The following TYW1B variants were observed in gnomAD, a reference collection of about 807,000 sequenced individuals.
TYW1B encodes S-adenosyl-L-methionine-dependent tRNA 4-demethylwyosine synthase TYW1B.
In TYW1B, 73 loss-of-function variants were observed where a neutral mutation model predicts 86.9. That is an observed-to-expected ratio of 0.84 (90% CI 0.70 to 1.02). TYW1B has a LOEUF of 1.02. Among genes scored for constraint, TYW1B ranks in the 50% least tolerant of loss-of-function variants. The pLI is 0.00. For synonymous variants in TYW1B, 248 were observed against 292.8 expected, an observed-to-expected ratio of 0.85 and a Z score of 1.56; for missense variants, 637 against 827.4, an observed-to-expected ratio of 0.77 and a Z score of 2.82.
intron 10 of TYW1B, among the ~76,000 whole-genome samples, chr7:72,698,807 A>T (rs1183135572): frequency 3.9e-5 from 6 of 152,226 alleles, no homozygotes; most frequent in Non-Finnish European, 7.3e-5. Flanking sequence ...CATGTAACAA[A>T]CAGTATTCCA....
chr7:72,660,530 C>G (rs1453190073), intron 11 of TYW1B, among the ~76,000 whole-genome samples: 1 of 152,220 alleles, frequency 6.6e-6, no homozygotes, highest in African/African-American at 2.4e-5. Flanking sequence ...TGAGAAAGAA[C>G]TACTTTCAGA....
chr7:72,660,222 A>T (rs1384427461), intron 11 of TYW1B, among the ~76,000 whole-genome samples: 1 of 152,126 alleles, frequency 6.6e-6, no homozygotes, highest in Non-Finnish European at 1.5e-5. Context: ...TAAATTTTAA[A>T]AATTAGCCAG....
intron 11 of TYW1B, among the ~76,000 whole-genome samples, chr7:72,663,090 A>T (rs1585885381): frequency 6.6e-6 from 1 of 150,872 alleles, no homozygotes; most frequent in South Asian, 2.1e-4. Flanking sequence ...AAGTGGTGAG[A>T]TGAATGGCCG....
At chr7:72,760,320 G>A (rs1455831671) in intron 7 of TYW1B, among the ~76,000 whole-genome samples, 6 of 152,202 alleles carry the variant, frequency 3.9e-5, no homozygotes, top group Admixed American at 3.9e-4. Context: ...GAAAACTGCT[G>A]TACCCAAAAT....
chr7:72,635,009 C>T (rs1430341748), intron 11 of TYW1B, among the ~76,000 whole-genome samples: 1 of 152,014 alleles, frequency 6.6e-6, no homozygotes, highest in African/African-American at 2.4e-5. Context: ...TCCTTATTAG[C>T]GTTTCTTTCA....
chr7:72,659,353 T>C (rs1585882634), intron 11 of TYW1B, among the ~76,000 whole-genome samples: 1 of 151,886 alleles, frequency 6.6e-6, no homozygotes, highest in Non-Finnish European at 1.5e-5. Flanking sequence ...CCCAGGCAGG[T>C]GGATCACCAG....
chr7:72,707,551 A>G (rs1355340482), intron 10 of TYW1B, among the ~76,000 whole-genome samples: 2 of 152,268 alleles, frequency 1.3e-5, no homozygotes, highest in African/African-American at 4.8e-5. Context: ...GCCTATTAAC[A>G]TGAAGTGTGT....
intron 7 of TYW1B, among the ~76,000 whole-genome samples, chr7:72,754,465 C>T (rs1787553922): frequency 6.6e-6 from 1 of 150,926 alleles, no homozygotes; most frequent in South Asian, 2.1e-4. Flanking sequence ...GAGACAGAAT[C>T]TTGCTCTGTC....
chr7:72,648,747 C>T (rs1554442390), intron 11 of TYW1B, among the ~76,000 whole-genome samples: 3 of 151,902 alleles, frequency 2.0e-5, no homozygotes. Context: ...TGACATCCAC[C>T]CGGCAACTTG....
chr7:72,659,561 G>A (rs1353711080), intron 11 of TYW1B, among the ~76,000 whole-genome samples: 6 of 152,132 alleles, frequency 3.9e-5, no homozygotes, highest in African/African-American at 7.2e-5. Flanking sequence ...CTCGGTGACC[G>A]AAGGAGACTC....
intron 10 of TYW1B, among the ~76,000 whole-genome samples, chr7:72,711,463 C>CAAT (rs1786660037): frequency 8.4e-6 from 1 of 118,750 alleles, no homozygotes. Flanking sequence ...TGTTTCTCTC[C>CAAT]TCTTTAATTC....
At chr7:72,800,325 G>A (rs1394249971) in intron 6 of TYW1B, among the ~76,000 whole-genome samples, 1 of 151,682 alleles carries the variant, frequency 6.6e-6, no homozygotes, top group Non-Finnish European at 1.5e-5. Flanking sequence ...AGCCTCCCAA[G>A]CAGTTGTGAC....
intron 13 of TYW1B, among the ~76,000 whole-genome samples, chr7:72,580,506 A>G (rs1266827368): frequency 1.3e-5 from 2 of 152,206 alleles, no homozygotes; most frequent in Non-Finnish European, 2.9e-5. Context: ...CACAAGCGCA[A>G]TAAGATACAG....
At chr7:72,715,088 T>A (rs1430172667) in intron 9 of TYW1B, among the ~76,000 whole-genome samples, 1 of 152,054 alleles carries the variant, frequency 6.6e-6, no homozygotes, top group Admixed American at 6.5e-5. Context: ...TGTCTGCACA[T>A]TGGAATCACC....
At chr7:72,602,926 T>C (rs1345854823) in intron 13 of TYW1B, among the ~76,000 whole-genome samples, 3 of 142,268 alleles carry the variant, frequency 2.1e-5, no homozygotes, top group Non-Finnish European at 4.5e-5. Context: ...AGGAGCCAAC[T>C]GAAAGAGATC....
At chr7:72,655,827 C>A (rs755456986) in intron 11 of TYW1B, among the ~76,000 whole-genome samples, 12 of 152,132 alleles carry the variant, frequency 7.9e-5, no homozygotes, top group Admixed American at 1.3e-4. Flanking sequence ...TGTCCAGGAG[C>A]CTGGGGATCA....
At chr7:72,691,005 A>G (rs571768481) in intron 11 of TYW1B, among the ~76,000 whole-genome samples, 1 of 152,310 alleles carries the variant, frequency 6.6e-6, no homozygotes, top group South Asian at 2.1e-4. Context: ...TGCCCGCCTC[A>G]GCCTCCCAAA....
intron 10 of TYW1B, chr7:72,698,109 A>G (rs1216038243): frequency 6.5e-6 from 1 of 152,872 alleles, no homozygotes; most frequent in Non-Finnish European, 1.5e-5. Flanking sequence ...AATCTCTAAG[A>G]CAATCTGGGG....
chr7:72,659,503 G>A (rs529519198), intron 11 of TYW1B, among the ~76,000 whole-genome samples: 4 of 152,234 alleles, frequency 2.6e-5, no homozygotes, highest in East Asian at 3.9e-4. Flanking sequence ...ACTTGAACCC[G>A]GGAGGCTGAG....
Sources: allele counts gnomAD v4.1 joint callset (sites outside exome capture counted in the v4.1 genomes callset), GRCh38; gene constraint gnomAD v4.1.1; transcripts MANE v1.5; gene names NCBI Gene and HGNC (gene_info 2026-07-23, HGNC 2026-07-21).